SKAP2: variants seen among roughly 807,000 people sequenced by gnomAD.
SKAP2 encodes src kinase-associated phosphoprotein 2.
In SKAP2, 28 loss-of-function variants were observed where a neutral mutation model predicts 54.9. The observed-to-expected ratio is 0.51, with a 90% CI of 0.38 to 0.70. SKAP2 has a LOEUF of 0.70. Among genes scored for constraint, SKAP2 ranks in the 30% least tolerant of loss-of-function variants. The pLI, the probability that SKAP2 is intolerant of heterozygous loss-of-function variation, is 0.00. For synonymous variants in SKAP2, 137 were observed against 134.3 expected (o/e 1.02, Z -0.14); for missense variants, 356 against 424.1 (o/e 0.84, Z 1.41).
intron 4 of SKAP2, among the ~76,000 whole-genome samples, chr7:26,780,520 T>C (rs1349877972): frequency 6.6e-6 from 1 of 152,114 alleles, no homozygotes; most frequent in Non-Finnish European, 1.5e-5. Flanking sequence ...ACGTAATGAA[T>C]GAGCATGATT....
intron 1 of SKAP2, among the ~76,000 whole-genome samples, chr7:26,862,143 T>C (rs1325809368): frequency 1.3e-5 from 2 of 152,048 alleles, no homozygotes; most frequent in Non-Finnish European, 2.9e-5. Context: ...TCTAGTCATA[T>C]ACTATTACCC....
At chr7:26,663,549 CAG>C (rs1786055946), downstream of SKAP2, among the ~76,000 whole-genome samples, 1 of 152,170 alleles carries the variant, frequency 6.6e-6, no homozygotes, top group East Asian at 1.9e-4. Flanking sequence ...AAAGTCAGGT[CAG>C]ACATTGCCAT....
chr7:26,657,523 A>G, the SKAP2 span, among the ~76,000 whole-genome samples: 4 of 152,298 alleles, frequency 2.6e-5, no homozygotes, highest in South Asian at 8.3e-4. Context: ...AAAATAATGT[A>G]CCATGCTGAT....
chr7:26,817,904 A>G (rs532428125), intron 4 of SKAP2, among the ~76,000 whole-genome samples: 2 of 152,344 alleles, frequency 1.3e-5, no homozygotes, highest in South Asian at 4.1e-4. Flanking sequence ...TTCTTCAAGG[A>G]GAACTACAAA....
intron 4 of SKAP2, among the ~76,000 whole-genome samples, chr7:26,838,507 T>C (rs1316920942): frequency 6.6e-6 from 1 of 152,182 alleles, no homozygotes; most frequent in Non-Finnish European, 1.5e-5. Flanking sequence ...AAGCAACTTG[T>C]CCTTGACAAA....
chr7:26,740,073 T>A, intron 4 of SKAP2, 109 bp from the exon 5 acceptor site: 2 of 645,434 alleles, frequency 3.1e-6, no homozygotes, highest in East Asian at 2.8e-5. Flanking sequence ...TGAAATTGTT[T>A]AAATCTAAGT....
chr7:26,718,904 T>A (rs1401982279), intron 9 of SKAP2, among the ~76,000 whole-genome samples: 1 of 152,124 alleles, frequency 6.6e-6, no homozygotes, highest in African/African-American at 2.4e-5. Context: ...TAGTAGCTAG[T>A]GAAATGGCTC....
chr7:26,830,319 A>G (rs183469877), intron 4 of SKAP2, among the ~76,000 whole-genome samples: 1 of 152,254 alleles, frequency 6.6e-6, no homozygotes, highest in East Asian at 1.9e-4. Flanking sequence ...AATGTTCTAA[A>G]ATTGACTGGG....
intron 4 of SKAP2, among the ~76,000 whole-genome samples, chr7:26,742,740 T>C (rs1782480549): frequency 6.6e-6 from 1 of 152,130 alleles, no homozygotes; most frequent in African/African-American, 2.4e-5. Context: ...AACACAAAAG[T>C]ACACTAATAG....
intron 3 of SKAP2, among the ~76,000 whole-genome samples, chr7:26,844,608 TATGA>T (rs1462622462): frequency 1.3e-5 from 2 of 152,204 alleles, no homozygotes; most frequent in African/African-American, 2.4e-5. Flanking sequence ...TTTGAAGCTG[TATGA>T]ATATTTTGTA....
chr7:26,698,392 T>C (rs1786943216), intron 9 of SKAP2, among the ~76,000 whole-genome samples: 1 of 152,230 alleles, frequency 6.6e-6, no homozygotes, highest in Admixed American at 6.5e-5. Context: ...ATGTGTCTTT[T>C]TCACTATGTT....
Position 26,846,487 on chromosome 7 carries a change from G to T in SKAP2, c.200-2350C>A, listed in dbSNP as rs143210894. Among the ~76,000 whole-genome samples the T allele has an allele frequency of 1.3e-4, 20 of 151,984 alleles. No homozygotes were observed. In the East Asian group the frequency reaches 2.7e-3, roughly 21 times the overall value. On this transcript the variant is annotated intron_variant, in intron 3 of 12. Coordinates refer to ENST00000345317, the MANE Select transcript of SKAP2 (RefSeq NM_003930.5). ...TACACATACACACAAATGCAAACAC[G>T]ATTCTATATTCAACGAATATGTATA... is the stretch of plus-strand genomic sequence containing the variant.
intron 10 of SKAP2, among the ~76,000 whole-genome samples, chr7:26,686,622 GTGAC>G (rs1175551674): frequency 2.0e-5 from 3 of 152,150 alleles, no homozygotes; most frequent in Non-Finnish European, 4.4e-5. Flanking sequence ...TAATAATAAA[GTGAC>G]TGATTTCCTT....
chr7:26,662,430 A>G (rs1450430666), downstream of SKAP2, among the ~76,000 whole-genome samples: 3 of 152,134 alleles, frequency 2.0e-5, no homozygotes, highest in Admixed American at 1.3e-4. Flanking sequence ...GTCTTAGGAC[A>G]CTGCTAGTGG....
chr7:26,674,812 T>G (rs116162126), intron 11 of SKAP2, among the ~76,000 whole-genome samples: 3,969 of 152,282 alleles, frequency 0.026, 168 homozygotes, highest in African/African-American at 0.09. Flanking sequence ...AAGCTGACAG[T>G]AAGAATTCTC....
At chr7:26,781,701 C>T (rs10250223) in intron 4 of SKAP2, among the ~76,000 whole-genome samples, 2 of 152,096 alleles carry the variant, frequency 1.3e-5, no homozygotes, top group South Asian at 4.1e-4. Flanking sequence ...TTGATACCTC[C>T]CTTTGCTAAA....
Position 26,738,822 on chromosome 7 carries a change from C to A in SKAP2, c.442G>T (p.Val148Leu). The A allele has an allele frequency of 6.2e-7, 1 of 1,602,340 alleles. No homozygotes were observed. The part of the protein sequence containing the change: ...QKRWCALSKT[V>L]FYYYGSDKDK... ...TTATCACTTCCATAATAATAGAATACCGTTTTACTGAGAGCACACCACCGT... is the reference window on the plus strand; with the variant it reads ...TTATCACTTCCATAATAATAGAATAACGTTTTACTGAGAGCACACCACCGT... Residue 148 changes from valine to leucine, a missense_variant, in exon 6 of 13, where the codon GTA becomes TTA. Coordinates refer to ENST00000345317, the MANE Select transcript of SKAP2 (RefSeq NM_003930.5).
At chr7:26,681,288 C>A (rs1378648998) in intron 11 of SKAP2, among the ~76,000 whole-genome samples, 7 of 152,066 alleles carry the variant, frequency 4.6e-5, no homozygotes. Context: ...CCCATCTCTA[C>A]TAAAAATGCA....
chr7:26,693,737 C>T (rs967106558), intron 9 of SKAP2, among the ~76,000 whole-genome samples: 2 of 151,998 alleles, frequency 1.3e-5, no homozygotes, highest in Non-Finnish European at 2.9e-5. Flanking sequence ...AACCTGGTAG[C>T]GATATTTTTA....
Sources: allele counts gnomAD v4.1 joint callset (sites outside exome capture counted in the v4.1 genomes callset), GRCh38; gene constraint gnomAD v4.1.1; transcripts MANE v1.5; gene names NCBI Gene and HGNC (gene_info 2026-07-23, HGNC 2026-07-21).